SCMH1: variants seen among roughly 807,000 people sequenced by gnomAD.
The protein encoded by SCMH1 is Scm polycomb group protein homolog 1.
In SCMH1, 37 loss-of-function variants were observed where a neutral mutation model predicts 70.8. The ratio of observed to expected loss-of-function variants is 0.52; its 90% CI spans 0.40 to 0.69. The LOEUF is 0.69. Among genes scored for constraint, SCMH1 ranks in the 30% least tolerant of loss-of-function variants. SCMH1 has a pLI of 0.00. For synonymous variants in SCMH1, 292 were observed against 307.4 expected (o/e 0.95, Z 0.52); for missense variants, 607 against 827.3 (o/e 0.73, Z 3.27).
At chr1:41,043,589 A>ATTTTTT (rs71062570) in intron 12 of SCMH1, 1 of 135,294 alleles carries the variant, frequency 7.4e-6, no homozygotes. Flanking sequence ...CGCCCGGCTA[A>ATTTTTT]TTTTTTTTTT....
chr1:41,151,638 T>A (rs1238364412), exon 5 of SCMH1: 4 of 1,612,788 alleles, frequency 2.5e-6, no homozygotes, highest in Non-Finnish European at 3.4e-6. Context: ...GGACAGGCGC[T>A]GGGACTGAAC....
At chr1:41,227,204 T>G (rs181385711) in intron 1 of SCMH1, among the ~76,000 whole-genome samples, 1 of 152,242 alleles carries the variant, frequency 6.6e-6, no homozygotes, top group Admixed American at 6.5e-5. Context: ...TCCAGTCACA[T>G]TGGCTCCCTT....
intron 6 of SCMH1, among the ~76,000 whole-genome samples, chr1:41,130,594 C>G (rs1202338739): frequency 6.6e-6 from 1 of 152,000 alleles, no homozygotes; most frequent in Non-Finnish European, 1.5e-5. Flanking sequence ...ATTTTTCTAG[C>G]ATTACTGAAT....
chr1:41,138,682 C>G (rs1358916329), intron 6 of SCMH1, among the ~76,000 whole-genome samples: 2 of 151,970 alleles, frequency 1.3e-5, no homozygotes, highest in Non-Finnish European at 2.9e-5. Flanking sequence ...TTGTGCATGT[C>G]TAGCTTGACT....
chr1:41,145,326 A>C (rs2148256972), intron 5 of SCMH1, among the ~76,000 whole-genome samples: 1 of 152,036 alleles, frequency 6.6e-6, no homozygotes, highest in South Asian at 2.1e-4. Context: ...TTGTTGAAAA[A>C]CCCACTGAAC....
intron 8 of SCMH1, among the ~76,000 whole-genome samples, chr1:41,103,499 A>C (rs1294643807): frequency 6.6e-6 from 1 of 152,204 alleles, no homozygotes; most frequent in Non-Finnish European, 1.5e-5. Context: ...ATTTTCCTGA[A>C]AATCACCAAC....
chr1:41,207,015 T>C (rs1655715094), intron 1 of SCMH1, among the ~76,000 whole-genome samples: 1 of 152,210 alleles, frequency 6.6e-6, no homozygotes, highest in Non-Finnish European at 1.5e-5. Context: ...CCACCAGGCC[T>C]GCCTTACAAG....
chr1:41,147,984 C>T (rs574920418), intron 5 of SCMH1, among the ~76,000 whole-genome samples: 37 of 152,218 alleles, frequency 2.4e-4, no homozygotes, highest in South Asian at 2.1e-3. Context: ...TGCCAATTTC[C>T]GCTTTTTAAC....
intron 1 of SCMH1, among the ~76,000 whole-genome samples, chr1:41,199,071 T>A (rs1313339435): frequency 1.3e-5 from 2 of 152,212 alleles, no homozygotes; most frequent in South Asian, 2.1e-4. Flanking sequence ...CTAGGATCAT[T>A]CTGTTAAAAT....
intron 5 of SCMH1, 91 bp from the exon 6 acceptor site, chr1:41,143,203 G>A: frequency 4.6e-6 from 4 of 878,358 alleles, no homozygotes; most frequent in Non-Finnish European, 7.2e-6. Context: ...GCTGGGCCAG[G>A]GACAACCAAC....
At chr1:41,120,102 G>A (rs1671548692) in intron 6 of SCMH1, among the ~76,000 whole-genome samples, 1 of 152,124 alleles carries the variant, frequency 6.6e-6, no homozygotes, top group Non-Finnish European at 1.5e-5. Flanking sequence ...ATACACCTTG[G>A]TATAGGGAGG....
At chr1:41,055,631 C>A (rs545002682) in intron 10 of SCMH1, among the ~76,000 whole-genome samples, 172 of 152,378 alleles carry the variant, frequency 1.1e-3, no homozygotes, top group Non-Finnish European at 2.1e-3. Flanking sequence ...CGCGCCCGGC[C>A]TCAGAATTTC....
intron 6 of SCMH1, among the ~76,000 whole-genome samples, chr1:41,134,084 A>G (rs987901899): frequency 2.6e-5 from 4 of 152,126 alleles, no homozygotes; most frequent in Middle Eastern, 3.2e-3. Flanking sequence ...GCGTATCCAC[A>G]ACAATCAAGT....
At chr1:41,229,610 G>A (rs1233338249) in intron 1 of SCMH1, among the ~76,000 whole-genome samples, 1 of 152,046 alleles carries the variant, frequency 6.6e-6, no homozygotes, top group Non-Finnish European at 1.5e-5. Context: ...GGCTGGGGGA[G>A]GGATAGCATT....
chr1:41,162,612 T>C (rs1646128778), intron 2 of SCMH1, among the ~76,000 whole-genome samples: 1 of 152,132 alleles, frequency 6.6e-6, no homozygotes, highest in African/African-American at 2.4e-5. Context: ...GCCTCCTCTT[T>C]GCTGAGAGCT....
At chr1:41,154,541 G>C (rs533535749) in intron 4 of SCMH1, among the ~76,000 whole-genome samples, 2 of 152,232 alleles carry the variant, frequency 1.3e-5, no homozygotes, top group East Asian at 3.9e-4. Flanking sequence ...AGGGGAACAA[G>C]GTAAGACATG....
At chr1:41,231,993 C>T (rs1041740184) in intron 1 of SCMH1, among the ~76,000 whole-genome samples, 1 of 147,806 alleles carries the variant, frequency 6.8e-6, no homozygotes, top group African/African-American at 2.5e-5. Flanking sequence ...CACCGCACAC[C>T]AGCCAGGGTG....
chr1:41,163,889 G>A (rs1050045356), intron 2 of SCMH1, among the ~76,000 whole-genome samples: 1 of 152,098 alleles, frequency 6.6e-6, no homozygotes, highest in African/African-American at 2.4e-5. Flanking sequence ...TGGTAGTACT[G>A]GGTTCCCTGA....
intron 12 of SCMH1, chr1:41,043,821 G>A (rs1646551729): frequency 1.3e-5 from 2 of 151,866 alleles, no homozygotes; most frequent in South Asian, 4.1e-4. Context: ...AAGTATTTAA[G>A]GATAAAATCT....
Sources: gnomAD v4.1 joint callset for allele counts (sites outside exome capture counted in the v4.1 genomes callset) on GRCh38, gnomAD v4.1.1 for gene constraint, MANE v1.5 for transcripts, NCBI Gene and HGNC (gene_info 2026-07-23, HGNC 2026-07-21) for gene names.